OASL: variants seen among roughly 807,000 people sequenced by gnomAD.
OASL encodes 2'-5'-oligoadenylate synthetase like.
A neutral mutation model predicts 35.3 loss-of-function variants in OASL; 28 were observed. That is an observed-to-expected ratio of 0.79 (90% confidence interval 0.59 to 1.09). The LOEUF is 1.09. Ranked by LOEUF, OASL falls within the 50% of genes least tolerant of loss-of-function variation. The pLI is 0.00. For synonymous variants in OASL, 252 were observed against 254.6 expected (o/e 0.99, Z 0.10); for missense variants, 620 against 635.2 (o/e 0.98, Z 0.26).
intron 5 of OASL, among the ~76,000 whole-genome samples, chr12:121,022,883 T>A (rs7957197): frequency 0.17 from 26,453 of 152,184 alleles, 2,437 homozygotes; most frequent in Non-Finnish European, 0.19. Flanking sequence ...TGCTGCCTCT[T>A]AGCAGAGTGC....
intron 3 of OASL, among the ~76,000 whole-genome samples, chr12:121,029,647 C>G (rs1439714329): frequency 6.6e-6 from 1 of 151,490 alleles, no homozygotes; most frequent in Non-Finnish European, 1.5e-5. Context: ...GAGATTGCGC[C>G]ACTGCATTCC....
chr12:121,027,959 C>T (rs1869560479), intron 3 of OASL, 142 bp from the exon 4 acceptor site: 5 of 671,128 alleles, frequency 7.5e-6, no homozygotes, highest in Non-Finnish European at 1.3e-5. Flanking sequence ...ATGTCACATT[C>T]CATCTCTAGA....
intron 5 of OASL, chr12:121,023,695 AC>A (rs1592932466): frequency 3.4e-6 from 1 of 298,222 alleles, no homozygotes; most frequent in East Asian, 7.0e-5. Flanking sequence ...GATTGAGCTG[AC>A]TTGGCTGGAC....
At chr12:121,025,477 T>A (rs1869441095) in intron 4 of OASL, among the ~76,000 whole-genome samples, 1 of 152,032 alleles carries the variant, frequency 6.6e-6, no homozygotes, top group Non-Finnish European at 1.5e-5. Flanking sequence ...TAACACCAGC[T>A]CTTTGAGTGG....
intron 3 of OASL, among the ~76,000 whole-genome samples, chr12:121,028,317 C>T (rs1403475473): frequency 2.0e-5 from 3 of 152,184 alleles, no homozygotes; most frequent in Non-Finnish European, 2.9e-5. Context: ...ACCCGCAGCT[C>T]CAGGATGGGC....
In OASL at chr12:121,039,074, C is replaced by A; in HGVS notation, c.-103G>T. 1.1e-6 allele frequency: 1 copy of A among 918,350 alleles called. No homozygotes were observed. The allele number at this position is 918,350 out of a possible 1,614,324, so 56.9% of individuals were successfully genotyped here. A position where few individuals can be genotyped will look rare whatever the true frequency, so the allele number is the denominator to read the frequency against. Reference sequence around the variant, plus strand: ...TTAAGGTAGCTCCTCCTCAGCTGCCCTCCAGTGCTCTGTGGGAGGAGGGAC... The same window carrying A: ...TTAAGGTAGCTCCTCCTCAGCTGCCATCCAGTGCTCTGTGGGAGGAGGGAC... On this transcript the variant is annotated 5_prime_UTR_variant, in exon 1 of 6. In the 5' UTR this introduces an upstream ATG that the reference lacks. Transcript: ENST00000257570.
In OASL at chr12:121,038,594, A is replaced by T. The variant is rs373361756; in HGVS notation, c.198+180T>A. 9.9e-5 allele frequency among the ~76,000 whole-genome samples: 15 copies of T among 152,216 alleles called. No homozygotes were observed. The South Asian group carries it at 3.1e-3, about 32-fold the overall frequency. On this transcript the variant is annotated intron_variant, in intron 1 of 5. Coordinates refer to ENST00000257570, the Ensembl canonical transcript of OASL. ...CCCAAATGTGAGCTATTATTACTAG[A>T]CTCATTCTACTCAAGGCAGTGGTGC...
chr12:121,035,040 A>C (rs1401975056), intron 1 of OASL, among the ~76,000 whole-genome samples: 1 of 151,342 alleles, frequency 6.6e-6, no homozygotes, highest in Non-Finnish European at 1.5e-5. Flanking sequence ...GGGAGGTGGA[A>C]TTGCTAGGGA....
exon 2 of OASL, chr12:121,033,563 T>C: frequency 1.2e-6 from 2 of 1,614,180 alleles, no homozygotes; most frequent in Non-Finnish European, 1.7e-6. Flanking sequence ...TGCTCCATCC[T>C]CAGGTCCTCG....
chr12:121,018,711 A>T (rs1477667799), downstream of OASL, among the ~76,000 whole-genome samples: 1 of 137,098 alleles, frequency 7.3e-6, no homozygotes, highest in Non-Finnish European at 1.7e-5. Context: ...TACTAAAAAT[A>T]AAAAAAAAAT....
intron 1 of OASL, among the ~76,000 whole-genome samples, chr12:121,035,073 A>G (rs1200795270): frequency 1.3e-5 from 2 of 150,914 alleles, no homozygotes; most frequent in Non-Finnish European, 3.0e-5. Flanking sequence ...CCAGAAGGCT[A>G]CTTTTCTTGG....
exon 6 of OASL, chr12:121,020,956 G>T (rs139160700): frequency 1.2e-6 from 2 of 1,614,144 alleles, no homozygotes; most frequent in South Asian, 2.2e-5. Context: ...CTGGTCCTCC[G>T]GATTTTCTCT....
At chr12:121,018,780 G>C (rs1565902424), downstream of OASL, among the ~76,000 whole-genome samples, 1 of 143,462 alleles carries the variant, frequency 7.0e-6, no homozygotes, top group Non-Finnish European at 1.5e-5. Context: ...TGAGGCAGGA[G>C]AATCGCTTGA....
rs749992026 is a variant in OASL, at chr12:121,020,820, GTCT to G, written c.1283_1285del (p.Glu428_Thr429delinsAla). On this transcript the variant is annotated inframe_deletion, in exon 6 of 6. Transcript: ENST00000257570. ...GAAGACCTGGATCTCGGAGGGGATG[GTCT>G]CCAGCAGATAGATGTGAGTGTGGGA... 4.3e-6 allele frequency: 7 copies of G among 1,614,204 alleles called. No individual in the cohort carries two copies. The Admixed American group carries it at 5.0e-5, about 12-fold the overall frequency.
At chr12:121,037,391 G>C (rs952981014) in intron 1 of OASL, among the ~76,000 whole-genome samples, 1 of 152,062 alleles carries the variant, frequency 6.6e-6, no homozygotes, top group African/African-American at 2.4e-5. Context: ...ATCTCAGTGA[G>C]GGGGGCTTGG....
At chr12:121,027,779 A>T in exon 4 of OASL, 1 of 1,614,094 alleles carries the variant, frequency 6.2e-7, no homozygotes. Context: ...GAGCATAGAG[A>T]GGGGGCAGAT....
rs144529897 is a variant in OASL, at chr12:121,031,691, G to C, written c.482-74C>G. 2.9e-4 allele frequency: 392 copies of C among 1,344,860 alleles called. 2 individuals are homozygous for C. In the African/African-American group the frequency reaches 5.1e-3, roughly 18 times the overall value. 83.3% of individuals were successfully genotyped at this position (1,344,860 alleles called of 1,614,324 possible). On this transcript the variant is annotated intron_variant, in intron 2 of 5. Coordinates refer to ENST00000257570, the Ensembl canonical transcript of OASL. ...AGGGTGGTAAGTAGTATTTTGGGGA[G>C]AGCCTGCCTTTACATTGGAAGTATC...
intron 5 of OASL, among the ~76,000 whole-genome samples, chr12:121,023,351 C>T (rs985946883): frequency 1.4e-5 from 2 of 147,698 alleles, no homozygotes; most frequent in African/African-American, 5.0e-5. Flanking sequence ...TGCAATGGCA[C>T]GATCTCAGCT....
intron 1 of OASL, among the ~76,000 whole-genome samples, chr12:121,036,311 C>T (rs745346972): frequency 2.6e-5 from 4 of 152,138 alleles, no homozygotes; most frequent in African/African-American, 7.2e-5. Flanking sequence ...GGACCAGCTC[C>T]GCTCACTAGA....
Sources: gnomAD v4.1 joint callset for allele counts (sites outside exome capture counted in the v4.1 genomes callset) on GRCh38, gnomAD v4.1.1 for gene constraint, MANE v1.5 for transcripts, NCBI Gene and HGNC (gene_info 2026-07-23, HGNC 2026-07-21) for gene names.